Variants in PTPN14 observed in about 807,000 individuals in gnomAD.
PTPN14 encodes protein tyrosine phosphatase non-receptor type 14.
Under a neutral mutation model 126.8 loss-of-function variants are expected in PTPN14, and 53 were observed. The ratio of observed to expected loss-of-function variants is 0.42; its 90% CI spans 0.34 to 0.53. The LOEUF (loss-of-function observed/expected upper bound fraction) is 0.53. Among genes scored for constraint, PTPN14 ranks in the 20% least tolerant of loss-of-function variants. PTPN14 has a pLI of 0.08. For missense variants in PTPN14, 1,257 were observed against 1,552.9 expected, an observed-to-expected ratio of 0.81 and a Z score of 3.20; for synonymous variants, 630 against 599.3, an observed-to-expected ratio of 1.05 and a Z score of -0.75.
intron 7 of PTPN14, among the ~76,000 whole-genome samples, chr1:214,399,515 A>G (rs1054594070): frequency 1.3e-5 from 2 of 152,282 alleles, no homozygotes; most frequent in Non-Finnish European, 2.9e-5. Context: ...GAAGAGTTGA[A>G]TATTCTTCAG....
intron 10 of PTPN14, among the ~76,000 whole-genome samples, 176 bp downstream of exon 10, chr1:214,393,519 T>C (rs1480578227): frequency 6.6e-6 from 1 of 152,214 alleles, no homozygotes; most frequent in East Asian, 1.9e-4. Context: ...TGCACGACAC[T>C]AGACAGTCTT....
chr1:214,420,465 T>C (rs1188624978), intron 3 of PTPN14, among the ~76,000 whole-genome samples: 1 of 152,224 alleles, frequency 6.6e-6, no homozygotes, highest in Non-Finnish European at 1.5e-5. Context: ...AAAAGGATAA[T>C]ATTTGTTTAA....
At chr1:214,549,809 G>A (rs1656061618) in intron 1 of PTPN14, among the ~76,000 whole-genome samples, 1 of 152,136 alleles carries the variant, frequency 6.6e-6, no homozygotes, top group Non-Finnish European at 1.5e-5. Flanking sequence ...TCCAATTAGG[G>A]AGGCCTTGGC....
chr1:214,368,415 G>C (rs920911378), intron 17 of PTPN14, among the ~76,000 whole-genome samples: 2 of 151,972 alleles, frequency 1.3e-5, no homozygotes. Flanking sequence ...TGGCCACGCT[G>C]GTCTCAAACT....
At chr1:214,446,144 C>T (rs1287208370) in intron 3 of PTPN14, among the ~76,000 whole-genome samples, 2 of 152,254 alleles carry the variant, frequency 1.3e-5, no homozygotes, top group South Asian at 2.1e-4. Context: ...TTAACAAACT[C>T]GGTGGTTCTT....
intron 2 of PTPN14, among the ~76,000 whole-genome samples, chr1:214,463,598 G>C (rs1660561042): frequency 6.6e-6 from 1 of 152,202 alleles, no homozygotes; most frequent in African/African-American, 2.4e-5. Context: ...GGAAAGGGGA[G>C]AGGAAGACCC....
chr1:214,384,739 G>A lies in PTPN14; in HGVS notation c.1116C>T (p.Asn372=). 1 of 1,614,084 alleles carries A rather than the reference G, an allele frequency of 6.2e-7. No homozygotes were observed. Among genetic ancestry groups the A allele is most frequent in the Non-Finnish European group, 8.5e-7 (1 of 1,180,030 alleles). The change falls in exon 13 of 19, where the codon AAC becomes AAT. Residue 372 remains asparagine, a synonymous_variant. Transcript: ENST00000366956. This position sits in a 1 kb window ranked among gnomAD's most constrained non-coding sequence, Gnocchi z 5.3. ...NEEALYCNSH[N]SLDLNYLNGT... ...CATTTAAATAATTTAAGTCCAGGCTGTTGTGAGAGTTGCAATACAAGGCTT... is the reference window on the plus strand; with the variant it reads ...CATTTAAATAATTTAAGTCCAGGCTATTGTGAGAGTTGCAATACAAGGCTT...
At chr1:214,527,587 A>G (rs1655432260) in intron 1 of PTPN14, among the ~76,000 whole-genome samples, 1 of 152,154 alleles carries the variant, frequency 6.6e-6, no homozygotes, top group Non-Finnish European at 1.5e-5. Flanking sequence ...TTTCCTATTT[A>G]GCATTCCTTT....
At chr1:214,403,867 G>A (rs925215596) in intron 5 of PTPN14, among the ~76,000 whole-genome samples, 1 of 152,174 alleles carries the variant, frequency 6.6e-6, no homozygotes, top group Non-Finnish European at 1.5e-5. Context: ...TGGGCAGCAG[G>A]TCCCACATAT....
At position 214,534,202 on chromosome 1, in the gene PTPN14, G is replaced by A. The variant is rs1355461127; in HGVS notation, c.-155+16981C>T. The stretch of plus-strand genomic sequence containing the variant: ...TATAAGCTGATAGTTTTTCCAGGGA[G>A]CAATCTGGCCATATGTAACAAGATC... On this transcript the variant is annotated intron_variant, in intron 1 of 18. Coordinates refer to ENST00000366956, the MANE Select transcript of PTPN14 (RefSeq NM_005401.5). Among the ~76,000 whole-genome samples the A allele has an allele frequency of 2.0e-5, 3 of 152,136 alleles. No individual in the cohort carries two copies. In the East Asian group the frequency reaches 5.8e-4, roughly 29 times the overall value.
chr1:214,439,294 G>C (rs933997530), intron 3 of PTPN14, among the ~76,000 whole-genome samples: 1 of 152,128 alleles, frequency 6.6e-6, no homozygotes, highest in South Asian at 2.1e-4. Context: ...CCAAATTACC[G>C]ACCTTTTTCA....
At chr1:214,503,774 C>T (rs1484798255) in intron 1 of PTPN14, among the ~76,000 whole-genome samples, 2 of 152,190 alleles carry the variant, frequency 1.3e-5, no homozygotes, top group Non-Finnish European at 2.9e-5. Context: ...ATTTTATCTG[C>T]ATATAAAGTG....
rs558672584 is a variant in PTPN14 at position 214,438,643 on chromosome 1, T to A, written c.344+13162A>T. On this transcript the variant is annotated intron_variant, in intron 3 of 18. Transcript: ENST00000366956. ...TTTACAGTGATTTGGGTTTTACTAA[T>A]CATTAATAATGTACGAAGCCTCACA... Among the ~76,000 whole-genome samples the A allele has an allele frequency of 2.0e-5, 3 of 152,306 alleles. No homozygotes were observed. In the East Asian group the frequency reaches 5.8e-4, roughly 29 times the overall value.
chr1:214,381,528 C>T (rs1367078210), intron 13 of PTPN14, among the ~76,000 whole-genome samples: 1 of 152,230 alleles, frequency 6.6e-6, no homozygotes, highest in Non-Finnish European at 1.5e-5. Context: ...GTATAAAAAT[C>T]TCTTAGCACT....
chr1:214,425,005 C>T (rs1025245565), intron 3 of PTPN14, among the ~76,000 whole-genome samples: 40 of 151,958 alleles, frequency 2.6e-4, no homozygotes, highest in African/African-American at 8.2e-4. Context: ...CCACGTTGGC[C>T]AGGCTGGTCT....
intron 12 of PTPN14, among the ~76,000 whole-genome samples, chr1:214,385,273 G>T (rs1316932633): frequency 1.3e-5 from 2 of 152,260 alleles, no homozygotes; most frequent in South Asian, 2.1e-4. Flanking sequence ...GGACTGCAGG[G>T]CATTCTAAAG....
intron 1 of PTPN14, among the ~76,000 whole-genome samples, chr1:214,474,904 G>A (rs1660834770): frequency 6.6e-6 from 1 of 152,160 alleles, no homozygotes; most frequent in South Asian, 2.1e-4. Context: ...GAACATGCAG[G>A]TTTTCATTTT....
At chr1:214,483,106 C>G (rs878917511) in intron 1 of PTPN14, 2 of 1,611,276 alleles carry the variant, frequency 1.2e-6, no homozygotes, top group Non-Finnish European at 1.7e-6. Context: ...CTAATGTTTC[C>G]ACAAATACTT....
intron 6 of PTPN14, among the ~76,000 whole-genome samples, chr1:214,402,676 AG>A (rs1226189121): frequency 4.4e-5 from 5 of 114,778 alleles, no homozygotes; most frequent in African/African-American, 1.6e-4. Flanking sequence ...GAAGGAAGGA[AG>A]GGAGGGAGGG....
Sources: gnomAD v4.1 joint callset for allele counts (sites outside exome capture counted in the v4.1 genomes callset) on GRCh38, gnomAD v4.1.1 for gene constraint, Gnocchi (gnomAD v3.1) non-coding constraint, MANE v1.5 for transcripts, NCBI Gene and HGNC (gene_info 2026-07-23, HGNC 2026-07-21) for gene names.